The following FYCO1 variants were observed in gnomAD, a reference collection of about 807,000 sequenced individuals.
The protein encoded by FYCO1 is FYVE and coiled-coil domain-containing protein 1.
FYCO1 carries 122 observed loss-of-function variants against 165.1 expected under a neutral mutation model. That is an observed-to-expected ratio of 0.74 (90% CI 0.64 to 0.86). FYCO1 has a LOEUF of 0.86. Among genes scored for constraint, FYCO1 ranks in the 40% least tolerant of loss-of-function variants. The pLI, the probability that FYCO1 is intolerant of heterozygous loss-of-function variation, is 0.00. For synonymous variants in FYCO1, 648 were observed against 742.5 expected, an observed-to-expected ratio of 0.87 and a Z score of 2.07; for missense variants, 1,702 against 1,810.3, an observed-to-expected ratio of 0.94 and a Z score of 1.09.
intron 13 of FYCO1, among the ~76,000 whole-genome samples, chr3:45,956,068 G>C (rs1423176302): frequency 6.6e-6 from 1 of 152,220 alleles, no homozygotes; most frequent in Non-Finnish European, 1.5e-5. Context: ...GGGTGCTGTG[G>C]CTCATGCCTA....
rs929327582 is a variant in FYCO1 at position 45,995,724 on chromosome 3, G to C, written c.-115C>G. 6.5e-6 allele frequency: 1 copy of C among 152,862 alleles called. No individual in the cohort carries two copies. The highest frequency in any genetic ancestry group is 1.5e-5 in the Non-Finnish European group (1 of 68,100). The allele number at this position is 152,862 out of a possible 1,614,324, so 9.5% of individuals were successfully genotyped here. On this transcript the variant is annotated splice_region_variant and 5_prime_UTR_variant, in exon 1 of 18. Coordinates refer to ENST00000296137, the MANE Select transcript of FYCO1 (RefSeq NM_024513.4). The stretch of plus-strand genomic sequence containing the variant: ...AGCCGGTCTTCCGCGGCACTTACGC[G>C]CTCGTGGGTCCACCGCCGGGCAGAA...
chr3:45,985,918 G>A (rs737452), intron 1 of FYCO1, among the ~76,000 whole-genome samples: 53,715 of 152,168 alleles, frequency 0.35, 11,668 homozygotes, highest in East Asian at 0.66. Flanking sequence ...GTGCAAGGTT[G>A]TAATGTTTGC....
At chr3:45,982,940 C>G (rs534938409) in intron 2 of FYCO1, among the ~76,000 whole-genome samples, 189 of 152,334 alleles carry the variant, frequency 1.2e-3, no homozygotes, top group African/African-American at 4.3e-3. Context: ...CTCCACCCTC[C>G]TGCCTCCTCA....
At chr3:45,979,328 T>C (rs1409377460) in intron 4 of FYCO1, among the ~76,000 whole-genome samples, 1 of 151,492 alleles carries the variant, frequency 6.6e-6, no homozygotes, top group Non-Finnish European at 1.5e-5. Context: ...GAAAGCAGCA[T>C]AGCAAACTCT....
intron 1 of FYCO1, among the ~76,000 whole-genome samples, chr3:45,985,652 C>T (rs567661160): frequency 6.6e-6 from 1 of 152,358 alleles, no homozygotes; most frequent in South Asian, 2.1e-4. Context: ...TGCTGCCTGG[C>T]CTTCTCTCCA....
rs1378817439 is a variant in FYCO1, at chr3:45,973,054, C to T, written c.539+34G>A. 3.7e-6 allele frequency: 6 copies of T among 1,613,276 alleles called. No homozygotes were observed. In the South Asian group the frequency reaches 6.6e-5, roughly 18 times the overall value. ...CTTCAAAACTTCAAATGTCTCTTTT[C>T]CTGTCTTTTAAACCAAGCAATCCTT... is the stretch of plus-strand genomic sequence containing the variant. On this transcript the variant is annotated intron_variant, in intron 6 of 17. Transcript: ENST00000296137.
At position 45,921,122 on chromosome 3, in the gene FYCO1, AAG is replaced by A. The variant is rs1455428545; in HGVS notation, c.*641_*642del. On this transcript the variant is annotated 3_prime_UTR_variant, in exon 18 of 18. Transcript: ENST00000296137. Reference sequence around the variant, plus strand: ...GAATCACCCAGACAAAAGGGCCAGAAAGAGAGTGCAGCTTAGAGGCCCCTCCA... The same window carrying A: ...GAATCACCCAGACAAAAGGGCCAGAAAGAGTGCAGCTTAGAGGCCCCTCCA... 1 of 161,658 alleles carries A rather than the reference AAG, an allele frequency of 6.2e-6. No individual in the cohort carries two copies. Among genetic ancestry groups the A allele is most frequent in the African/African-American group, 2.4e-5 (1 of 41,534 alleles). The allele number at this position is 161,658 out of a possible 1,614,324, so 10.0% of individuals were successfully genotyped here.
intron 4 of FYCO1, among the ~76,000 whole-genome samples, chr3:45,977,311 T>C (rs1706807702): frequency 7.0e-6 from 1 of 142,578 alleles, no homozygotes; most frequent in Non-Finnish European, 1.5e-5. Context: ...TGGCAAACAT[T>C]TGAGGCTATA....
chr3:45,933,761 A>G (rs1343194668), intron 15 of FYCO1, among the ~76,000 whole-genome samples: 10 of 152,194 alleles, frequency 6.6e-5, no homozygotes, highest in Admixed American at 6.5e-4. Context: ...AAGAGCCAGG[A>G]AAATCACAGT....
At chr3:45,956,273 T>C (rs976020552) in intron 13 of FYCO1, among the ~76,000 whole-genome samples, 2 of 151,052 alleles carry the variant, frequency 1.3e-5, no homozygotes, top group African/African-American at 4.9e-5. Context: ...GAGGCAGAGG[T>C]TGCAGTGAGC....
chr3:45,959,556 A>G lies in FYCO1; in HGVS notation c.3438-14T>C. The G allele has an allele frequency of 1.9e-6, 3 of 1,612,926 alleles. No homozygotes were observed. Among genetic ancestry groups the G allele is most frequent in the Non-Finnish European group, 2.5e-6 (3 of 1,179,004 alleles). On this transcript the variant is annotated splice_polypyrimidine_tract_variant and intron_variant, in intron 11 of 17. Transcript: ENST00000296137. ...GCATCCTTGTCCCTGGGACAAAACC[A>G]CATTGGAAGAAAAGGAGAGAGAATC... is the stretch of plus-strand genomic sequence containing the variant.
At chr3:45,943,340 C>T (rs1704357974) in intron 14 of FYCO1, 1 of 152,192 alleles carries the variant, frequency 6.6e-6, no homozygotes, top group African/African-American at 2.4e-5. Flanking sequence ...CCATCTCTGA[C>T]CCACGCGTTA....
At chr3:45,921,896 G>C in intron 17 of FYCO1, 56 bp from the exon 18 acceptor site, 3 of 1,156,804 alleles carry the variant, frequency 2.6e-6, no homozygotes, top group Admixed American at 1.7e-5. Context: ...AAGTCCGAGG[G>C]GTGGCAGCTG....
At chr3:45,946,559 C>T (rs1310196282) in intron 14 of FYCO1, 5 of 1,614,098 alleles carry the variant, frequency 3.1e-6, no homozygotes, top group Admixed American at 1.7e-5. Flanking sequence ...ATCAAGACTT[C>T]CTGCAGTTCA....
In FYCO1 at chr3:45,968,718, A is replaced by C; in HGVS notation, c.631-15T>G. The C allele has an allele frequency of 3.1e-6, 5 of 1,614,174 alleles. No homozygotes were observed. Among genetic ancestry groups the C allele is most frequent in the Non-Finnish European group, 4.2e-6 (5 of 1,180,028 alleles). ...ATCTCTTGAGTCTGGGAGGGAAAAC[A>C]CAAAAGACAAGTGGCTTTAGGATGA... On this transcript the variant is annotated splice_polypyrimidine_tract_variant and intron_variant, in intron 7 of 17. Coordinates refer to ENST00000296137, the MANE Select transcript of FYCO1 (RefSeq NM_024513.4).
At position 45,918,491 on chromosome 3, in the gene FYCO1, T is replaced by C. The variant is rs1389776685; in HGVS notation, c.*3274A>G. 4 of 132,242 alleles carry C rather than the reference T, an allele frequency of 3.0e-5. No homozygotes were observed. The highest frequency in any genetic ancestry group is 4.6e-5 in the Non-Finnish European group (3 of 65,332). The allele number at this position is 132,242 out of a possible 1,614,324, so 8.2% of individuals were successfully genotyped here. On this transcript the variant is annotated 3_prime_UTR_variant, in exon 18 of 18. Coordinates refer to ENST00000296137, the MANE Select transcript of FYCO1 (RefSeq NM_024513.4). ...CATCCTTGGTTCTAAGCATCACGAA[T>C]GGCTTCTCTCTGCTTTAATTCCCAA...
At position 45,967,786 on chromosome 3, in the gene FYCO1, C is replaced by T. The variant is rs1706167330; in HGVS notation, c.1548G>A (p.Gln516=). ...CCTGTGCCAGCTGGGTCTCCAGGAA[C>T]TGCAGCTGCCGGGTCAGAGACCTGA... ...QEVRSLTRQL[Q]FLETQLAQVS... is the part of the protein sequence containing the mutation. The change falls in exon 8 of 18, where the codon CAG becomes CAA. Residue 516 remains glutamine, a synonymous_variant. Coordinates refer to ENST00000296137, the MANE Select transcript of FYCO1 (RefSeq NM_024513.4). 1 of 1,613,942 alleles carries T rather than the reference C, an allele frequency of 6.2e-7. No individual in the cohort carries two copies. Among genetic ancestry groups the T allele is most frequent in the Non-Finnish European group, 8.5e-7 (1 of 1,180,044 alleles).
chr3:45,928,637 C>T (rs1215989594), intron 16 of FYCO1, among the ~76,000 whole-genome samples: 1 of 152,148 alleles, frequency 6.6e-6, no homozygotes, highest in Non-Finnish European at 1.5e-5. Context: ...TCCTCAAGCC[C>T]ACAGGTCCCT....
chr3:45,988,517 C>T (rs1350112960), intron 1 of FYCO1, among the ~76,000 whole-genome samples: 1 of 152,146 alleles, frequency 6.6e-6, no homozygotes, highest in Non-Finnish European at 1.5e-5. Context: ...TGCCCCAGCA[C>T]CAGCGTAAGG....
Sources: gnomAD v4.1 joint callset for allele counts (sites outside exome capture counted in the v4.1 genomes callset) on GRCh38, gnomAD v4.1.1 for gene constraint, MANE v1.5 for transcripts, NCBI Gene and HGNC (gene_info 2026-07-23, HGNC 2026-07-21) for gene names.